The following PCDHGA9 variants were observed in gnomAD, a reference collection of about 807,000 sequenced individuals.
PCDHGA9 encodes the protein protocadherin gamma-A9.
In PCDHGA9, 37 loss-of-function variants were observed where a neutral mutation model predicts 62.5. That is an observed-to-expected ratio of 0.59 (90% CI 0.46 to 0.78). PCDHGA9 has a LOEUF of 0.78. Among genes scored for constraint, PCDHGA9 ranks in the 30% least tolerant of loss-of-function variants. PCDHGA9 has a pLI of 0.00. For synonymous variants in PCDHGA9, 459 were observed against 484.6 expected (o/e 0.95, Z 0.69); for missense variants, 1,138 against 1,166.2 (o/e 0.98, Z 0.35).
intron 1 of PCDHGA9, among the ~76,000 whole-genome samples, chr5:141,458,883 C>A (rs1171747288): frequency 6.6e-6 from 1 of 152,136 alleles, no homozygotes; most frequent in East Asian, 1.9e-4. Flanking sequence ...CAGGCATGCA[C>A]ACCATGCGCA....
At chr5:141,441,340 C>T (rs2098240395) in intron 1 of PCDHGA9, 1 of 152,330 alleles carries the variant, frequency 6.6e-6, no homozygotes, top group Non-Finnish European at 1.5e-5. Flanking sequence ...CAATAATTAA[C>T]TACATGCTTG....
intron 1 of PCDHGA9, among the ~76,000 whole-genome samples, chr5:141,466,670 G>T (rs994949602): frequency 6.6e-6 from 1 of 152,046 alleles, no homozygotes; most frequent in Non-Finnish European, 1.5e-5. Flanking sequence ...TGATTTCACC[G>T]TTCTTCCACT....
chr5:141,421,277 T>C (rs761435958), intron 1 of PCDHGA9: 2 of 1,612,826 alleles, frequency 1.2e-6, no homozygotes, highest in Non-Finnish European at 1.7e-6. Flanking sequence ...CTGCTGCTGC[T>C]GTGCATTTTC....
Position 141,493,876 on chromosome 5 carries a change from G to T in PCDHGA9, c.2425-931G>T, listed in dbSNP as rs2099750541. 6.6e-6 allele frequency among the ~76,000 whole-genome samples: 1 copy of T among 152,194 alleles called. No homozygotes were observed. ...CAGCCCACCCCAGAACCAGTGAGGA[G>T]GTGGCTCTAGGAGTGCTCCATGAGA... On this transcript the variant is annotated intron_variant, in intron 1 of 3. Transcript: ENST00000573521. The surrounding 1 kb of genome is among the most constrained non-coding windows in gnomAD (Gnocchi z 4.3).
chr5:141,490,942 C>A lies in PCDHGA9; in HGVS notation c.2425-3865C>A, dbSNP rs371286343. On this transcript the variant is annotated intron_variant, in intron 1 of 3. Coordinates refer to ENST00000573521, the MANE Select transcript of PCDHGA9 (RefSeq NM_018921.3). This position sits in a 1 kb window ranked among gnomAD's most constrained non-coding sequence, Gnocchi z 5.4. ...TAATGCCCCAGCTGTGCTGCACCCA[C>A]GGCCAGACTGGGAACACTCAGCCCC... The A allele has an allele frequency of 3.0e-5, 49 of 1,613,526 alleles. No individual in the cohort carries two copies. The highest frequency in any genetic ancestry group is 4.1e-5 in the Non-Finnish European group (48 of 1,179,768).
intron 1 of PCDHGA9, chr5:141,421,232 C>T (rs748347420): frequency 2.5e-6 from 4 of 1,590,252 alleles, no homozygotes; most frequent in African/African-American, 2.7e-5. Flanking sequence ...CCTGCCATGG[C>T]GAATCGGCTA....
intron 1 of PCDHGA9, among the ~76,000 whole-genome samples, chr5:141,464,689 TATTATGA>T (rs1378742227): frequency 4.6e-5 from 7 of 152,182 alleles, no homozygotes; most frequent in Admixed American, 2.6e-4. Context: ...AAATTTCTCT[TATTATGA>T]ATGAGGTTAA....
chr5:141,447,481 A>G lies in PCDHGA9; in HGVS notation c.2424+42105A>G, dbSNP rs141192758. 3.9e-3 allele frequency among the ~76,000 whole-genome samples: 591 copies of G among 152,326 alleles called. 6 individuals carry two copies. The highest frequency in any genetic ancestry group is 0.011 in the Admixed American group (170 of 15,286). ...TTTTCTTCACCATCTGTAAAACTGC[A>G]TAGAAGGAATGTTTAGGATAAAAGA... On this transcript the variant is annotated intron_variant, in intron 1 of 3. Transcript: ENST00000573521.
rs77983663 is a variant in PCDHGA9, at chr5:141,504,853, C to T, written c.2484-540C>T. 2.8e-4 allele frequency among the ~76,000 whole-genome samples: 42 copies of T among 152,214 alleles called. No homozygotes were observed. In the East Asian group the frequency reaches 7.7e-3, roughly 28 times the overall value. On this transcript the variant is annotated intron_variant, in intron 2 of 3. Transcript: ENST00000573521. ...TTCTCTAGCTCTGGAACATTCTCTT[C>T]CATTTCCCACCTTCACAGTCCTCTG... is the stretch of plus-strand genomic sequence containing the variant.
chr5:141,488,714 A>G (rs2099678684), intron 1 of PCDHGA9, among the ~76,000 whole-genome samples: 1 of 152,192 alleles, frequency 6.6e-6, no homozygotes, highest in Non-Finnish European at 1.5e-5. Flanking sequence ...TGGTTCAAGC[A>G]AAGTGGTGGA....
chr5:141,421,611 T>C lies in PCDHGA9; in HGVS notation c.2424+16235T>C, dbSNP rs747573417. 6.8e-6 allele frequency: 11 copies of C among 1,613,694 alleles called. No homozygotes were observed. The African/African-American group carries it at 1.3e-4, about 20-fold the overall frequency. On this transcript the variant is annotated intron_variant, in intron 1 of 3. Transcript: ENST00000573521. ...TGGAGGTGGAAATAATAGATATTAA[T>C]GATAACGCCCCCAGCTTCCAGGAGG...
At chr5:141,499,461 A>G (rs1448103747) in intron 2 of PCDHGA9, among the ~76,000 whole-genome samples, 2 of 152,226 alleles carry the variant, frequency 1.3e-5, no homozygotes. Flanking sequence ...TCATTTTACA[A>G]TCTAGGGAGA....
At chr5:141,466,054 G>A (rs2099115921) in intron 1 of PCDHGA9, among the ~76,000 whole-genome samples, 1 of 152,080 alleles carries the variant, frequency 6.6e-6, no homozygotes, top group Non-Finnish European at 1.5e-5. Context: ...CCCAGGAGAC[G>A]GAGCTTGCAG....
chr5:141,494,688 A>T (rs2099756168), intron 1 of PCDHGA9, 119 bp from the exon 2 acceptor site: 1 of 1,576,254 alleles, frequency 6.3e-7, no homozygotes, highest in Non-Finnish European at 8.6e-7. Context: ...GCCCCCTCTT[A>T]GTCCGTTTTC....
chr5:141,491,666 G>A lies in PCDHGA9; in HGVS notation c.2425-3141G>A, dbSNP rs373526771. 9.4e-5 allele frequency: 152 copies of A among 1,613,614 alleles called. No homozygotes were observed. The highest frequency in any genetic ancestry group is 1.2e-4 in the Non-Finnish European group (142 of 1,180,016). The stretch of plus-strand genomic sequence containing the variant: ...CTGGCGCTGGAGCCTGACGCCATCC[G>A]GTCCCGCTCTAATACGCTGCGGGAG... On this transcript the variant is annotated intron_variant, in intron 1 of 3. Coordinates refer to ENST00000573521, the MANE Select transcript of PCDHGA9 (RefSeq NM_018921.3). This position sits in a 1 kb window ranked among gnomAD's most constrained non-coding sequence, Gnocchi z 6.9.
Position 141,431,994 on chromosome 5 carries a change from G to A in PCDHGA9, c.2424+26618G>A, listed in dbSNP as rs2097434865. ...TTAGTCACAGACATAGTCTTGGATA[G>A]GGAACAGGTTCCTAGCTACAACATC... On this transcript the variant is annotated intron_variant, in intron 1 of 3. Coordinates refer to ENST00000573521, the MANE Select transcript of PCDHGA9 (RefSeq NM_018921.3). The surrounding 1 kb of genome is among the most constrained non-coding windows in gnomAD (Gnocchi z 4.8). 6.2e-7 allele frequency: 1 copy of A among 1,614,188 alleles called. No homozygotes were observed. Among genetic ancestry groups the A allele is most frequent in the Non-Finnish European group, 8.5e-7 (1 of 1,180,038 alleles).
At chr5:141,499,289 C>T in intron 2 of PCDHGA9, among the ~76,000 whole-genome samples, 1 of 152,212 alleles carries the variant, frequency 6.6e-6, no homozygotes, top group African/African-American at 2.4e-5. Context: ...GATGGCTCCA[C>T]ACTACCATCC....
intron 1 of PCDHGA9, chr5:141,408,159 C>T (rs1408291996): frequency 3.9e-5 from 59 of 1,516,228 alleles, no homozygotes; most frequent in Non-Finnish European, 5.2e-5. Context: ...AGTGCACTTT[C>T]TCCAACTGGA....
chr5:141,466,285 C>A (rs1271958613), intron 1 of PCDHGA9, among the ~76,000 whole-genome samples: 1 of 152,148 alleles, frequency 6.6e-6, no homozygotes, highest in African/African-American at 2.4e-5. Context: ...ATCTTCCCAC[C>A]TCAGGCTCCC....
Sources: gnomAD v4.1 joint callset for allele counts (sites outside exome capture counted in the v4.1 genomes callset) on GRCh38, gnomAD v4.1.1 for gene constraint, Gnocchi (gnomAD v3.1) non-coding constraint, MANE v1.5 for transcripts, NCBI Gene and HGNC (gene_info 2026-07-23, HGNC 2026-07-21) for gene names.